CDK2: variants seen among roughly 807,000 people sequenced by gnomAD.
CDK2 encodes the protein cyclin dependent kinase 2.
CDK2 carries 8 observed loss-of-function variants against 35.0 expected under a neutral mutation model. The observed-to-expected ratio is 0.23, with a 90% CI of 0.13 to 0.41. CDK2 has a LOEUF of 0.41. CDK2 is among the 10% of genes least tolerant of loss of function. The pLI, the probability that CDK2 is intolerant of heterozygous loss-of-function variation, is 1.00. For missense variants in CDK2, 201 were observed against 367.1 expected (o/e 0.55, Z 3.70); for synonymous variants, 134 against 137.7 (o/e 0.97, Z 0.19).
Position 55,972,774 on chromosome 12 carries a change from CTAGTTT to C in CDK2, c.*1152_*1157del, listed in dbSNP as rs921164617. ...TTTGTAGCTCATTAAAAAAATGTGCCTAGTTTTATAGTTCATCTCTTTCCTCCTCTT... is the reference window on the plus strand; with the variant it reads ...TTTGTAGCTCATTAAAAAAATGTGCCTATAGTTCATCTCTTTCCTCCTCTT... On this transcript the variant is annotated 3_prime_UTR_variant, in exon 7 of 7. Coordinates refer to ENST00000266970, the MANE Select transcript of CDK2 (RefSeq NM_001798.5). 2 of 151,578 alleles carry C rather than the reference CTAGTTT, an allele frequency of 1.3e-5. No homozygotes were observed. Among genetic ancestry groups the C allele is most frequent in the African/African-American group, 4.9e-5 (2 of 41,180 alleles). 9.4% of individuals were successfully genotyped at this position (151,578 alleles called of 1,614,324 possible). A position where few individuals can be genotyped will look rare whatever the true frequency, so the allele number is the denominator to read the frequency against.
chr12:55,968,556 C>T (rs1889396256), intron 3 of CDK2, among the ~76,000 whole-genome samples: 2 of 152,100 alleles, frequency 1.3e-5, no homozygotes, highest in Admixed American at 1.3e-4. Context: ...AATCTATTAA[C>T]AAACATTTTT....
Position 55,971,233 on chromosome 12 carries a change from C to T in CDK2, c.778C>T (p.Arg260Trp), listed in dbSNP as rs769372167. ...KVVPPLDEDG[R>W]SLLSQMLHYD... is the part of the protein sequence containing the mutation. Reference sequence around the variant, plus strand: ...TGTACCTCCCCTGGATGAAGATGGACGGAGCTTGTTATCGGTGAGAGTGGG... The same window carrying T: ...TGTACCTCCCCTGGATGAAGATGGATGGAGCTTGTTATCGGTGAGAGTGGG... Residue 260 changes from arginine to tryptophan, a missense_variant, in exon 6 of 7, where the codon CGG (arginine) becomes TGG (tryptophan). Coordinates refer to ENST00000266970, the MANE Select transcript of CDK2 (RefSeq NM_001798.5). The T allele has an allele frequency of 6.2e-6, 10 of 1,613,984 alleles. No individual in the cohort carries two copies. The highest frequency in any genetic ancestry group is 3.3e-5 in the Admixed American group (2 of 60,008).
intron 5 of CDK2, chr12:55,970,624 T>C (rs1477218172): frequency 2.8e-6 from 2 of 702,340 alleles, no homozygotes; most frequent in Admixed American, 2.0e-5. Flanking sequence ...AGCACCATGC[T>C]AGGTGCTGTG....
chr12:55,967,359 C>T (rs1889351498), intron 1 of CDK2: 2 of 535,642 alleles, frequency 3.7e-6, no homozygotes, highest in Admixed American at 6.3e-5. Context: ...TGAGCCGGAT[C>T]GTGCCCCCAA....
At position 55,971,553 on chromosome 12, in the gene CDK2, T is replaced by G. The variant is rs147559857; in HGVS notation, c.825T>G (p.Ile275Met). 2 of 1,614,034 alleles carry G rather than the reference T, an allele frequency of 1.2e-6. No individual in the cohort carries two copies. The highest frequency in any genetic ancestry group is 1.1e-5 in the South Asian group (1 of 91,076). ...TGCACTACGACCCTAACAAGCGGATTTCGGCCAAGGCAGCCCTGGCTCACC... is the reference window on the plus strand; with the variant it reads ...TGCACTACGACCCTAACAAGCGGATGTCGGCCAAGGCAGCCCTGGCTCACC... ...QMLHYDPNKRISAKAALAHPF... is the reference protein window; with the variant it reads ...QMLHYDPNKRMSAKAALAHPF... Residue 275 changes from isoleucine (I) to methionine (M), a missense_variant, in exon 7 of 7, where the codon ATT becomes ATG. Coordinates refer to ENST00000266970, the MANE Select transcript of CDK2 (RefSeq NM_001798.5).
At chr12:55,967,807 A>G in intron 1 of CDK2, 50 bp from the exon 2 acceptor site, 2 of 1,454,234 alleles carry the variant, frequency 1.4e-6, no homozygotes, top group South Asian at 1.1e-5. Flanking sequence ...TGGGGGGGAA[A>G]GGAATATTTG....
At position 55,968,769 on chromosome 12, in the gene CDK2, C is replaced by G. The variant is rs757946205; in HGVS notation, c.316-9C>G. ...GGAGAAACACAGTCCTCTCTTTCTC[C>G]TTTGTCAGAGCTATCTGTTCCAGCT... On this transcript the variant is annotated splice_polypyrimidine_tract_variant and intron_variant, in intron 3 of 6. Coordinates refer to ENST00000266970, the MANE Select transcript of CDK2 (RefSeq NM_001798.5). 7 of 1,580,532 alleles carry G rather than the reference C, an allele frequency of 4.4e-6. No homozygotes were observed. The East Asian group carries it at 1.6e-4, about 36-fold the overall frequency.
intron 1 of CDK2, 148 bp from the exon 2 acceptor site, chr12:55,967,709 G>T: frequency 1.5e-6 from 1 of 664,042 alleles, no homozygotes; most frequent in South Asian, 1.8e-5. Flanking sequence ...GACTACCCAA[G>T]AATTAGCTCT....
In CDK2 at chr12:55,972,514, T is replaced by A. The variant is rs145177569; in HGVS notation, c.*889T>A. ...GGCTGTGATTGAGTGAGGGCATGGG[T>A]AAAAATATTTCTTTAAAAGAAGGAT... On this transcript the variant is annotated 3_prime_UTR_variant, in exon 7 of 7. Transcript: ENST00000266970. 6.6e-6 allele frequency: 1 copy of A among 151,848 alleles called. No homozygotes were observed. The highest frequency in any genetic ancestry group is 2.4e-5 in the African/African-American group (1 of 41,394). 9.4% of individuals were successfully genotyped at this position (151,848 alleles called of 1,614,324 possible). A position where few individuals can be genotyped will look rare whatever the true frequency, so the allele number is the denominator to read the frequency against.
chr12:55,970,660 G>A (rs1889448660), intron 5 of CDK2: 1 of 702,364 alleles, frequency 1.4e-6, no homozygotes, highest in East Asian at 2.7e-5. Flanking sequence ...ATGGAAGACA[G>A]AGTCTCTGCC....
At position 55,967,867 on chromosome 12, in the gene CDK2, G is replaced by T; in HGVS notation, c.127G>T (p.Gly43Cys). The change falls in exon 2 of 7, where the codon GGT becomes TGT. Residue 43 changes from glycine (G) to cysteine (C), a missense_variant. Physicochemically the swap from Gly to Cys is radical, Grantham distance 159. Transcript: ENST00000266970. ...KKIRLDTETE[G>C]VPSTAIREIS... ...CCCAACCTCTCCAAGTGAGACTGAG[G>T]GTGTGCCCAGTACTGCCATCCGAGA... 1.9e-6 allele frequency: 3 copies of T among 1,613,776 alleles called. No individual in the cohort carries two copies. Among genetic ancestry groups the T allele is most frequent in the Non-Finnish European group, 2.5e-6 (3 of 1,179,726 alleles).
rs1839529374 is a variant in CDK2, at chr12:55,966,894, C to A, written c.-115C>A. ...TACTGCGTTCCATCCCGACCCGGGG[C>A]CACGGTACTGGGCCCTGTTTCCCCC... On this transcript the variant is annotated 5_prime_UTR_variant, in exon 1 of 7. Transcript: ENST00000266970. 2.1e-6 allele frequency: 2 copies of A among 945,284 alleles called. No homozygotes were observed. Among genetic ancestry groups the A allele is most frequent in the African/African-American group, 1.7e-5 (1 of 60,434 alleles). The allele number at this position is 945,284 out of a possible 1,614,324, so 58.6% of individuals were successfully genotyped here.
chr12:55,967,268 G>T, intron 1 of CDK2, 144 bp downstream of exon 1: 1 of 657,368 alleles, frequency 1.5e-6, no homozygotes, highest in Non-Finnish European at 2.7e-6. Context: ...TTGGGGGCCA[G>T]TAGAAGGTGA....
At chr12:55,971,311 G>A in intron 6 of CDK2, 64 bp downstream of exon 6, 1 of 1,493,742 alleles carries the variant, frequency 6.7e-7, no homozygotes. Context: ...CCAGGATGAA[G>A]GAAGGATGAG....
At chr12:55,968,276 C>A in intron 3 of CDK2, 107 bp downstream of exon 3, 1 of 1,059,544 alleles carries the variant, frequency 9.4e-7, no homozygotes, top group Non-Finnish European at 1.4e-6. Flanking sequence ...GAGCCCTCAT[C>A]TCCTATACAC....
Position 55,971,576 on chromosome 12 carries a change from AC to A in CDK2, c.851del (p.Pro284LeufsTer6). ...KRISAKAALA[H>X]PFFQDVTKPV... Reference sequence around the variant, plus strand: ...ATTTCGGCCAAGGCAGCCCTGGCTCACCCTTTCTTCCAGGATGTGACCAAGC... The same window carrying A: ...ATTTCGGCCAAGGCAGCCCTGGCTCACCTTTCTTCCAGGATGTGACCAAGC... On this transcript the variant is annotated frameshift_variant, in exon 7 of 7. Transcript: ENST00000266970. LOFTEE classifies it high-confidence loss of function. The A allele has an allele frequency of 1.2e-6, 2 of 1,614,084 alleles. No homozygotes were observed. Among genetic ancestry groups the A allele is most frequent in the Non-Finnish European group, 1.7e-6 (2 of 1,180,006 alleles).
intron 3 of CDK2, 87 bp from the exon 4 acceptor site, chr12:55,968,691 G>T: frequency 1.0e-6 from 1 of 964,036 alleles, no homozygotes; most frequent in East Asian, 2.6e-5. Flanking sequence ...ACATAATAAA[G>T]GCTTTAGTAG....
intron 5 of CDK2, chr12:55,970,613 C>A (rs548973110): frequency 3.7e-5 from 26 of 702,274 alleles, no homozygotes; most frequent in South Asian, 3.7e-4. Flanking sequence ...AGTGGGTACC[C>A]AGCACCATGC....
At chr12:55,967,574 G>A (rs896806626) in intron 1 of CDK2, 1 of 494,394 alleles carries the variant, frequency 2.0e-6, no homozygotes, top group Non-Finnish European at 3.6e-6. Context: ...GGAGGCTGGG[G>A]GCTACTCCTG....
Sources: gnomAD v4.1 joint callset for allele counts (sites outside exome capture counted in the v4.1 genomes callset) on GRCh38, gnomAD v4.1.1 for gene constraint, MANE v1.5 for transcripts, NCBI Gene and HGNC (gene_info 2026-07-23, HGNC 2026-07-21) for gene names.